ERC2: variants seen among roughly 807,000 people sequenced by gnomAD.
ERC2 encodes ERC protein 2.
Under a neutral mutation model 114.8 loss-of-function variants are expected in ERC2, and 42 were observed. That is an observed-to-expected ratio of 0.37 (90% CI 0.29 to 0.47). The LOEUF is 0.47. Among genes scored for constraint, ERC2 ranks in the 20% least tolerant of loss-of-function variants. ERC2 has a pLI of 0.99. For missense variants in ERC2, 939 were observed against 1,150.7 expected, an observed-to-expected ratio of 0.82 and a Z score of 2.66; for synonymous variants, 454 against 425.5, an observed-to-expected ratio of 1.07 and a Z score of -0.82.
intron 3 of ERC2, among the ~76,000 whole-genome samples, chr3:56,270,178 A>C (rs1447582252): frequency 6.6e-6 from 1 of 151,762 alleles, no homozygotes; most frequent in Non-Finnish European, 1.5e-5. Flanking sequence ...CTAAAAAAAA[A>C]AAAGAAAGAA....
intron 7 of ERC2, among the ~76,000 whole-genome samples, chr3:56,034,936 A>C (rs1228198568): frequency 6.6e-6 from 1 of 152,042 alleles, no homozygotes; most frequent in East Asian, 1.9e-4. Flanking sequence ...AGAACGAACA[A>C]ACCCAAAAGT....
chr3:55,703,139 A>C (rs2063311376), intron 15 of ERC2, among the ~76,000 whole-genome samples: 1 of 151,022 alleles, frequency 6.6e-6, no homozygotes, highest in East Asian at 2.0e-4. Flanking sequence ...CTGCACTCTC[A>C]CCTCCCATTG....
intron 12 of ERC2, among the ~76,000 whole-genome samples, chr3:55,957,213 G>A (rs2068022557): frequency 6.6e-6 from 1 of 152,106 alleles, no homozygotes; most frequent in Admixed American, 6.5e-5. Flanking sequence ...TCAGGAAGAT[G>A]TTCCTATTCC....
rs138238679 is a variant in ERC2 at position 56,119,703 on chromosome 3, T to C, written c.1473+19806A>G. ...CCCCAATGTCTAACCCAGTGTTTGA[T>C]AGACATAGTTGGAACTCAATAAATA... On this transcript the variant is annotated intron_variant, in intron 6 of 17. Transcript: ENST00000288221. 5.9e-3 allele frequency among the ~76,000 whole-genome samples: 895 copies of C among 152,334 alleles called. 10 individuals carry two copies. The highest frequency in any genetic ancestry group is 0.01 in the Non-Finnish European group (714 of 68,018).
chr3:55,694,328 G>A (rs1228299550), intron 16 of ERC2, among the ~76,000 whole-genome samples: 1 of 152,116 alleles, frequency 6.6e-6, no homozygotes, highest in Non-Finnish European at 1.5e-5. Flanking sequence ...GCTACTATGG[G>A]AGCAGTTCAT....
intron 2 of ERC2, among the ~76,000 whole-genome samples, chr3:56,413,846 CTGT>C (rs775564281): frequency 3.2e-4 from 49 of 152,306 alleles, no homozygotes; most frequent in African/African-American, 6.5e-4. Context: ...AACCACCAAT[CTGT>C]TGTTGTTGTT....
rs191117713 is a variant in ERC2, at chr3:56,101,022, G to C, written c.1474-20038C>G. Among the ~76,000 whole-genome samples the C allele has an allele frequency of 3.5e-4, 54 of 152,288 alleles. 1 individual carries two copies. The South Asian group carries it at 5.0e-3, about 14-fold the overall frequency. On this transcript the variant is annotated intron_variant, in intron 6 of 17. Transcript: ENST00000288221. ...CCTCTGTTTTTCTCTTCATACTACA[G>C]TTCTGAATGGAAAGTTATTTTCCAG... is the stretch of plus-strand genomic sequence containing the variant.
At chr3:56,432,495 T>C (rs2061835943) in intron 2 of ERC2, among the ~76,000 whole-genome samples, 1 of 152,166 alleles carries the variant, frequency 6.6e-6, no homozygotes, top group Non-Finnish European at 1.5e-5. Context: ...AGAGCATCAT[T>C]TTAGAGTGAA....
intron 17 of ERC2, among the ~76,000 whole-genome samples, chr3:55,634,359 T>C (rs113590902): frequency 1.3e-5 from 2 of 152,344 alleles, no homozygotes; most frequent in South Asian, 2.1e-4. Context: ...CTACTATTTA[T>C]TGGGACCAGC....
chr3:55,901,208 T>C (rs1299940783), intron 13 of ERC2, among the ~76,000 whole-genome samples: 1 of 152,254 alleles, frequency 6.6e-6, no homozygotes, highest in African/African-American at 2.4e-5. Flanking sequence ...ATCCCAGCAC[T>C]GTTCCAAAAT....
At chr3:56,013,222 T>G (rs1184317371) in intron 8 of ERC2, among the ~76,000 whole-genome samples, 1 of 152,186 alleles carries the variant, frequency 6.6e-6, no homozygotes, top group Non-Finnish European at 1.5e-5. Flanking sequence ...CTCCCTAGGA[T>G]GCCATAATCC....
At chr3:55,819,293 G>A (rs2149148170) in intron 14 of ERC2, among the ~76,000 whole-genome samples, 1 of 152,306 alleles carries the variant, frequency 6.6e-6, no homozygotes, top group African/African-American at 2.4e-5. Flanking sequence ...ACAAGCCAGT[G>A]CCAAGTATGT....
At chr3:56,311,857 GTA>G (rs1491570130) in intron 2 of ERC2, among the ~76,000 whole-genome samples, 4 of 135,928 alleles carry the variant, frequency 2.9e-5, no homozygotes, top group Admixed American at 7.5e-5. Flanking sequence ...GTGTGTGTGT[GTA>G]TAAAATTATA....
intron 14 of ERC2, among the ~76,000 whole-genome samples, chr3:55,771,105 T>C (rs570878545): frequency 4.2e-4 from 64 of 152,348 alleles, no homozygotes; most frequent in Non-Finnish European, 7.6e-4. Context: ...GCAATAAACA[T>C]ACGTGTGTAT....
chr3:56,087,844 T>C (rs2077585477), intron 6 of ERC2, among the ~76,000 whole-genome samples: 1 of 152,184 alleles, frequency 6.6e-6, no homozygotes, highest in African/African-American at 2.4e-5. Context: ...TGATTCAACC[T>C]GCAATCATTC....
At chr3:55,768,872 G>A (rs917364528) in intron 14 of ERC2, among the ~76,000 whole-genome samples, 11 of 152,174 alleles carry the variant, frequency 7.2e-5, no homozygotes, top group Non-Finnish European at 1.5e-4. Context: ...TTGCCTCTGA[G>A]CATGCAATAG....
chr3:56,015,139 A>T (rs1162224641), intron 8 of ERC2, among the ~76,000 whole-genome samples: 1 of 152,208 alleles, frequency 6.6e-6, no homozygotes, highest in African/African-American at 2.4e-5. Context: ...TATGATGTCA[A>T]ATAAGGTAAC....
intron 6 of ERC2, among the ~76,000 whole-genome samples, chr3:56,113,632 A>G (rs755726141): frequency 6.6e-6 from 1 of 152,240 alleles, no homozygotes; most frequent in Non-Finnish European, 1.5e-5. Context: ...AATTCTTTGC[A>G]GATACAAACT....
intron 17 of ERC2, among the ~76,000 whole-genome samples, chr3:55,565,750 A>G (rs1461967697): frequency 5.3e-5 from 8 of 152,238 alleles, no homozygotes; most frequent in Admixed American, 5.2e-4. Context: ...AACTTGCTAA[A>G]TCATTTGTCA....
Sources: allele counts gnomAD v4.1 joint callset (sites outside exome capture counted in the v4.1 genomes callset), GRCh38; gene constraint gnomAD v4.1.1; transcripts MANE v1.5; gene names NCBI Gene and HGNC (gene_info 2026-07-23, HGNC 2026-07-21).